NRXN3: variants seen among roughly 807,000 people sequenced by gnomAD.
NRXN3 encodes the protein neurexin 3.
NRXN3 carries 32 observed loss-of-function variants against 137.6 expected under a neutral mutation model. The observed-to-expected ratio is 0.23, with a 90% CI of 0.18 to 0.31. NRXN3 has a LOEUF of 0.31. Among genes scored for constraint, NRXN3 ranks in the 10% least tolerant of loss-of-function variants. The pLI is 1.00. For synonymous variants in NRXN3, 798 were observed against 784.5 expected, an observed-to-expected ratio of 1.02 and a Z score of -0.29; for missense variants, 1,574 against 2,062.5, an observed-to-expected ratio of 0.76 and a Z score of 4.59.
At chr14:78,705,196 C>G (rs1035762445) in intron 6 of NRXN3, among the ~76,000 whole-genome samples, 2 of 152,226 alleles carry the variant, frequency 1.3e-5, no homozygotes, top group African/African-American at 2.4e-5. Flanking sequence ...TCAGCCAAGG[C>G]TGCTTTCTGT....
At chr14:79,807,670 T>G (rs1029194731) in intron 20 of NRXN3, among the ~76,000 whole-genome samples, 3 of 152,284 alleles carry the variant, frequency 2.0e-5, no homozygotes, top group Middle Eastern at 3.4e-3. Flanking sequence ...TGTTGTGTTC[T>G]GTAAGGGAGC....
intron 14 of NRXN3, among the ~76,000 whole-genome samples, chr14:78,976,176 C>T (rs1213203999): frequency 6.6e-6 from 1 of 152,172 alleles, no homozygotes; most frequent in African/African-American, 2.4e-5. Context: ...TGGTGTGAGG[C>T]AGATGACATA....
chr14:78,722,216 C>T (rs2098463424), intron 8 of NRXN3, among the ~76,000 whole-genome samples: 1 of 152,110 alleles, frequency 6.6e-6, no homozygotes, highest in South Asian at 2.1e-4. Context: ...TGCATTCAAC[C>T]TGAGAATGTG....
At chr14:79,551,744 A>C (rs1273852571) in intron 16 of NRXN3, among the ~76,000 whole-genome samples, 22 of 152,136 alleles carry the variant, frequency 1.4e-4, no homozygotes, top group Admixed American at 1.4e-3. Context: ...GGAATAGTAC[A>C]CCCTGGGAAG....
intron 4 of NRXN3, among the ~76,000 whole-genome samples, chr14:78,589,993 C>T (rs895929227): frequency 6.6e-6 from 1 of 152,074 alleles, no homozygotes; most frequent in Admixed American, 6.5e-5. Context: ...AACAAACAAA[C>T]AAAAACAAGC....
intron 15 of NRXN3, among the ~76,000 whole-genome samples, chr14:79,126,013 G>C (rs544771428): frequency 3.3e-4 from 50 of 151,782 alleles, no homozygotes; most frequent in Non-Finnish European, 6.5e-4. Flanking sequence ...GCACTGATTG[G>C]ACATCACAGC....
At chr14:79,299,193 C>A (rs189763408) in intron 15 of NRXN3, among the ~76,000 whole-genome samples, 8 of 152,254 alleles carry the variant, frequency 5.3e-5, no homozygotes, top group Admixed American at 5.2e-4. Context: ...ACAGCACCAT[C>A]CTATAAGATT....
At chr14:79,102,704 T>C (rs2051568887) in intron 15 of NRXN3, among the ~76,000 whole-genome samples, 1 of 152,156 alleles carries the variant, frequency 6.6e-6, no homozygotes, top group South Asian at 2.1e-4. Flanking sequence ...TCTTTACCTC[T>C]AAGGGTTATT....
chr14:78,549,974 T>A (rs1395926398), intron 4 of NRXN3, among the ~76,000 whole-genome samples: 2 of 151,982 alleles, frequency 1.3e-5, no homozygotes, highest in Non-Finnish European at 2.9e-5. Flanking sequence ...ACCTCTAGGA[T>A]CTTTCAACTT....
At chr14:78,483,317 G>C (rs2095503943) in intron 4 of NRXN3, among the ~76,000 whole-genome samples, 2 of 152,162 alleles carry the variant, frequency 1.3e-5, no homozygotes, top group Admixed American at 1.3e-4. Context: ...GAATGAATTA[G>C]CAACTCTTAA....
intron 4 of NRXN3, among the ~76,000 whole-genome samples, chr14:78,302,867 G>C (rs527346554): frequency 6.6e-6 from 1 of 152,190 alleles, no homozygotes; most frequent in Non-Finnish European, 1.5e-5. Context: ...AATGTCTCTT[G>C]CATCTCTGCT....
At chr14:79,004,362 C>T (rs1349352422) in intron 15 of NRXN3, among the ~76,000 whole-genome samples, 1 of 152,130 alleles carries the variant, frequency 6.6e-6, no homozygotes, top group Non-Finnish European at 1.5e-5. Flanking sequence ...CCTCTCACCT[C>T]AGCCTCCCGA....
At chr14:79,185,712 A>G (rs184006489) in intron 15 of NRXN3, among the ~76,000 whole-genome samples, 1,647 of 152,132 alleles carry the variant, frequency 0.011, 25 homozygotes, top group African/African-American at 0.037. Flanking sequence ...TGATCCGCCC[A>G]CCTTGGCCTC....
At chr14:78,225,444 GTTGT>G (rs2064420410) in intron 1 of NRXN3, among the ~76,000 whole-genome samples, 1 of 152,030 alleles carries the variant, frequency 6.6e-6, no homozygotes, top group African/African-American at 2.4e-5. Context: ...TTTTGATGGG[GTTGT>G]TTGTTTTTTT....
chr14:79,574,482 G>A (rs1051008261), intron 16 of NRXN3, among the ~76,000 whole-genome samples: 2 of 152,030 alleles, frequency 1.3e-5, no homozygotes, highest in African/African-American at 2.4e-5. Flanking sequence ...ATCATCTAGC[G>A]TACTGCCAGA....
At chr14:78,921,452 A>G (rs551952770) in intron 10 of NRXN3, among the ~76,000 whole-genome samples, 1 of 152,356 alleles carries the variant, frequency 6.6e-6, no homozygotes, top group Non-Finnish European at 1.5e-5. Flanking sequence ...AATAACATCA[A>G]TTAGTAAACT....
intron 19 of NRXN3, among the ~76,000 whole-genome samples, chr14:79,721,108 G>C (rs958816951): frequency 1.3e-5 from 2 of 152,096 alleles, no homozygotes; most frequent in Admixed American, 1.3e-4. Context: ...CTGCAAATAA[G>C]CCTTACAAGA....
intron 20 of NRXN3, among the ~76,000 whole-genome samples, chr14:79,860,435 A>C (rs977111598): frequency 1.4e-4 from 22 of 152,234 alleles, no homozygotes; most frequent in Admixed American, 6.5e-5. Flanking sequence ...GAATATTTTT[A>C]ACTTTTTAAA....
chr14:79,719,125 G>T (rs562309211), intron 19 of NRXN3, among the ~76,000 whole-genome samples: 1 of 151,810 alleles, frequency 6.6e-6, no homozygotes, highest in Non-Finnish European at 1.5e-5. Flanking sequence ...GAATCCCTTC[G>T]TCCCTTTGTT....
Sources: allele counts gnomAD v4.1 joint callset (sites outside exome capture counted in the v4.1 genomes callset), GRCh38; gene constraint gnomAD v4.1.1; transcripts MANE v1.5; gene names NCBI Gene and HGNC (gene_info 2026-07-23, HGNC 2026-07-21).